Variants in OXR1 observed in about 807,000 individuals in gnomAD.
The protein encoded by OXR1 is oxidation resistance 1, also known as oxidation resistance protein 1.
A neutral mutation model predicts 104.6 loss-of-function variants in OXR1; 41 were observed. The ratio of observed to expected loss-of-function variants is 0.39; its 90% CI spans 0.31 to 0.51. The LOEUF (loss-of-function observed/expected upper bound fraction) is 0.51, where lower values mean the gene tolerates loss of function less well. Ranked by LOEUF, OXR1 falls within the 20% of genes least tolerant of loss-of-function variation. The pLI, the probability that OXR1 is intolerant of heterozygous loss-of-function variation, is 0.77. For missense variants in OXR1, 955 were observed against 1,031.9 expected (o/e 0.93, Z 1.02); for synonymous variants, 348 against 348.4 (o/e 1.00, Z 0.01).
At chr8:106,422,201 G>T (rs1373706033) in intron 2 of OXR1, among the ~76,000 whole-genome samples, 1 of 152,106 alleles carries the variant, frequency 6.6e-6, no homozygotes, top group African/African-American at 2.4e-5. Context: ...TCCTTTCGGA[G>T]CACTGGCTGA....
At chr8:106,427,122 C>T (rs991785518) in intron 2 of OXR1, among the ~76,000 whole-genome samples, 11 of 152,068 alleles carry the variant, frequency 7.2e-5, no homozygotes, top group African/African-American at 2.4e-4. Context: ...ACCAGGCTTG[C>T]AGTTGTGAAT....
intron 2 of OXR1, among the ~76,000 whole-genome samples, chr8:106,479,851 C>T (rs1011495084): frequency 1.3e-5 from 2 of 151,964 alleles, no homozygotes; most frequent in African/African-American, 4.8e-5. Flanking sequence ...ATAATTTACT[C>T]TCCAAAAGAT....
In OXR1 at chr8:106,730,805, GT is replaced by G. The variant is rs542430884; in HGVS notation, c.1957-6714del. Among the ~76,000 whole-genome samples, 18 of 151,992 alleles carry G rather than the reference GT, an allele frequency of 1.2e-4. No individual in the cohort carries two copies. In the East Asian group the frequency reaches 3.1e-3, roughly 26 times the overall value. ...TAGGCCAGTGTGGTGACTCACGCCTGTAATATCAACACTTTAGGAGGCTGAA... is the reference window on the plus strand; with the variant it reads ...TAGGCCAGTGTGGTGACTCACGCCTGAATATCAACACTTTAGGAGGCTGAA... On this transcript the variant is annotated intron_variant, in intron 11 of 16. Transcript: ENST00000517566.
At chr8:106,320,970 C>G (rs1814192211) in intron 1 of OXR1, among the ~76,000 whole-genome samples, 1 of 152,210 alleles carries the variant, frequency 6.6e-6, no homozygotes, top group Non-Finnish European at 1.5e-5. Context: ...CCACGCCTAG[C>G]CTCTTTCTCT....
chr8:106,609,589 A>G (rs1409534088), intron 3 of OXR1, among the ~76,000 whole-genome samples: 1 of 152,220 alleles, frequency 6.6e-6, no homozygotes, highest in East Asian at 1.9e-4. Context: ...TTAAGACTTT[A>G]ACCTGAAAAT....
intron 3 of OXR1, among the ~76,000 whole-genome samples, chr8:106,557,534 GT>G (rs1299176571): frequency 1.4e-5 from 2 of 141,088 alleles, no homozygotes; most frequent in South Asian, 4.8e-4. Context: ...TAAAACTACT[GT>G]TTTTTAGAAT....
chr8:106,335,824 G>A (rs1174011794), intron 1 of OXR1, among the ~76,000 whole-genome samples: 9 of 152,044 alleles, frequency 5.9e-5, no homozygotes, highest in Non-Finnish European at 1.0e-4. Flanking sequence ...GGCCAGGTGC[G>A]GTGGCTCATG....
At chr8:106,689,782 T>C (rs1193480058) in intron 6 of OXR1, among the ~76,000 whole-genome samples, 1 of 151,948 alleles carries the variant, frequency 6.6e-6, no homozygotes, top group Non-Finnish European at 1.5e-5. Context: ...TTAATCATGA[T>C]AGTCACATAA....
intron 3 of OXR1, among the ~76,000 whole-genome samples, chr8:106,630,243 G>A (rs1162800517): frequency 6.6e-6 from 1 of 152,212 alleles, no homozygotes; most frequent in Non-Finnish European, 1.5e-5. Context: ...TGGGGATAAT[G>A]TTACTTACTG....
chr8:106,710,642 A>G lies in OXR1; in HGVS notation c.1645A>G (p.Lys549Glu). ...HIESSALLKE[K>E]QRHRLHKFLC... ...TCTAGGTTCTGCACTTTTAAAAGAA[A>G]AGCAAAGGCATCGATTACATAAGTT... The change falls in exon 10 of 17, where the codon AAG (lysine) becomes GAG (glutamate). Residue 549 changes from lysine (K) to glutamate (E), a missense_variant. Coordinates refer to ENST00000517566, the MANE Select transcript of OXR1 (RefSeq NM_001198533.2). 1 of 1,588,796 alleles carries G rather than the reference A, an allele frequency of 6.3e-7. No individual in the cohort carries two copies. The highest frequency in any genetic ancestry group is 1.4e-5 in the African/African-American group (1 of 73,592).
intron 1 of OXR1, among the ~76,000 whole-genome samples, chr8:106,318,253 C>T (rs187614153): frequency 6.6e-6 from 1 of 152,154 alleles, no homozygotes; most frequent in East Asian, 1.9e-4. Context: ...TCTCTTGTTC[C>T]CTGCCCTAGA....
At chr8:106,524,001 C>T (rs1813457427) in intron 3 of OXR1, among the ~76,000 whole-genome samples, 1 of 152,132 alleles carries the variant, frequency 6.6e-6, no homozygotes, top group Non-Finnish European at 1.5e-5. Flanking sequence ...TGATCTCGAT[C>T]TCCTGACCTC....
intron 2 of OXR1, among the ~76,000 whole-genome samples, chr8:106,413,777 G>C (rs904909039): frequency 6.7e-6 from 1 of 150,252 alleles, no homozygotes; most frequent in African/African-American, 2.5e-5. Flanking sequence ...AGGCTGGAGT[G>C]CAGTAGTGCA....
chr8:106,528,351 C>G (rs996515700), intron 3 of OXR1, among the ~76,000 whole-genome samples: 1 of 152,190 alleles, frequency 6.6e-6, no homozygotes, highest in Non-Finnish European at 1.5e-5. Flanking sequence ...ATTGCAAATT[C>G]TAAAATCCAA....
rs554533189 is a variant in OXR1, at chr8:106,519,557, C to T, written c.220+418C>T. Among the ~76,000 whole-genome samples the T allele has an allele frequency of 3.9e-5, 6 of 152,136 alleles. No homozygotes were observed. The East Asian group carries it at 9.7e-4, about 24-fold the overall frequency. On this transcript the variant is annotated intron_variant, in intron 3 of 16. Transcript: ENST00000517566. ...GGCTCCCAGGTCTCTGAACCTGTTC[C>T]GTCAGGTTGTTAAGACTGTGGTTGA...
chr8:106,481,821 A>G (rs1421971082), intron 2 of OXR1, among the ~76,000 whole-genome samples: 2 of 152,038 alleles, frequency 1.3e-5, no homozygotes, highest in Non-Finnish European at 2.9e-5. Flanking sequence ...ATTAATTTTT[A>G]TTGTATTCTG....
chr8:106,706,240 A>AT, intron 8 of OXR1, 142 bp from the exon 9 acceptor site: 1 of 541,210 alleles, frequency 1.8e-6, no homozygotes, highest in South Asian at 3.0e-5. Context: ...AATAAATCAG[A>AT]TTTTTTATAT....
At chr8:106,715,435 G>A (rs1832141183) in intron 11 of OXR1, among the ~76,000 whole-genome samples, 1 of 147,510 alleles carries the variant, frequency 6.8e-6, no homozygotes, top group Non-Finnish European at 1.5e-5. Flanking sequence ...ATATATATAT[G>A]TATCTTATAT....
At chr8:106,511,229 A>G (rs769838867) in intron 2 of OXR1, among the ~76,000 whole-genome samples, 11 of 152,186 alleles carry the variant, frequency 7.2e-5, no homozygotes, top group Non-Finnish European at 1.6e-4. Context: ...GGGGTAACAA[A>G]AACCCTTAAT....
Sources: allele counts gnomAD v4.1 joint callset (sites outside exome capture counted in the v4.1 genomes callset), GRCh38; gene constraint gnomAD v4.1.1; transcripts MANE v1.5; gene names NCBI Gene and HGNC (gene_info 2026-07-23, HGNC 2026-07-21).